Variants in EGFL6 observed in about 807,000 individuals in gnomAD.
The protein encoded by EGFL6 is EGF like domain multiple 6, also known as epidermal growth factor-like protein 6.
A neutral mutation model predicts 43.1 loss-of-function variants in EGFL6; 42 were observed. The ratio of observed to expected loss-of-function variants is 0.98; its 90% CI spans 0.76 to 1.26. The LOEUF is 1.26. Among genes scored for constraint, EGFL6 ranks in the 50% most tolerant of loss-of-function variants. EGFL6 has a pLI of 0.00. For missense variants in EGFL6, 429 were observed against 427.8 expected (o/e 1.00, Z -0.02); for synonymous variants, 164 against 163.2 (o/e 1.01, Z -0.04).
intron 1 of EGFL6, among the ~76,000 whole-genome samples, chrX:13,589,047 T>C (rs369057997): frequency 2.7e-5 from 3 of 112,120 alleles, no homozygotes; most frequent in Non-Finnish European, 5.6e-5. Flanking sequence ...TCCACTCCAT[T>C]GGACTGGAGT....
chrX:13,627,990 C>G (rs2045790810), intron 11 of EGFL6, among the ~76,000 whole-genome samples: 1 of 111,490 alleles, frequency 9.0e-6, no homozygotes, highest in Non-Finnish European at 1.9e-5. Context: ...GTCAGTCTGC[C>G]CATGTGATCA....
chrX:13,570,090 G>A (rs181727768), intron 1 of EGFL6, among the ~76,000 whole-genome samples, 155 bp downstream of exon 1: 26 of 112,574 alleles, frequency 2.3e-4, no homozygotes, highest in Non-Finnish European at 4.7e-4. Flanking sequence ...ATACCAGGCC[G>A]GGAGCGCCCA....
intron 6 of EGFL6, 25 bp from the exon 7 acceptor site, chrX:13,608,299 C>T (rs1450137621): frequency 3.3e-6 from 4 of 1,208,183 alleles, no homozygotes; most frequent in African/African-American, 1.7e-5. Flanking sequence ...ACCACAGAGT[C>T]GTTCACTGGA....
intron 6 of EGFL6, among the ~76,000 whole-genome samples, 159 bp from the exon 7 acceptor site, chrX:13,608,165 G>A (rs1335941220): frequency 9.0e-6 from 1 of 111,575 alleles, no homozygotes; most frequent in Non-Finnish European, 1.9e-5. Flanking sequence ...CAGGGCTGCT[G>A]GCCAATGAGC....
At chrX:13,594,262 G>T (rs2045584018) in intron 2 of EGFL6, among the ~76,000 whole-genome samples, 1 of 111,427 alleles carries the variant, frequency 9.0e-6, no homozygotes, top group African/African-American at 3.3e-5. Flanking sequence ...AATATTTATT[G>T]TCTACTTTGT....
chrX:13,619,310 C>G, intron 9 of EGFL6, 67 bp downstream of exon 9: 4 of 947,028 alleles, frequency 4.2e-6, no homozygotes, highest in South Asian at 4.0e-5. Flanking sequence ...TTTCTTCATA[C>G]AGTGAAATGA....
intron 1 of EGFL6, among the ~76,000 whole-genome samples, chrX:13,578,714 G>T (rs2045488704): frequency 9.1e-6 from 1 of 109,795 alleles, no homozygotes; most frequent in Non-Finnish European, 1.9e-5. Flanking sequence ...TCACTCATAG[G>T]TGGGAATTGA....
chrX:13,611,615 A>T (rs1429335991), intron 7 of EGFL6, among the ~76,000 whole-genome samples: 1 of 112,616 alleles, frequency 8.9e-6, no homozygotes, highest in Non-Finnish European at 1.9e-5. Context: ...AGTTGTTTGC[A>T]GCCTGTGTTT....
At chrX:13,603,648 T>C (rs2045646113) in intron 5 of EGFL6, among the ~76,000 whole-genome samples, 1 of 112,547 alleles carries the variant, frequency 8.9e-6, no homozygotes, top group Non-Finnish European at 1.9e-5. Flanking sequence ...TTATTTTGTA[T>C]TGCCTTAATG....
At chrX:13,576,728 A>G (rs1003331383) in intron 1 of EGFL6, among the ~76,000 whole-genome samples, 7 of 112,125 alleles carry the variant, frequency 6.2e-5, no homozygotes, top group Admixed American at 5.7e-4. Context: ...TGTGTAAATT[A>G]CAGATCACAT....
At chrX:13,585,542 T>C in intron 1 of EGFL6, among the ~76,000 whole-genome samples, 1 of 110,986 alleles carries the variant, frequency 9.0e-6, no homozygotes, top group Non-Finnish European at 1.9e-5. Context: ...TACATATTAA[T>C]GCCCTATTGA....
intron 6 of EGFL6, among the ~76,000 whole-genome samples, chrX:13,606,851 G>A (rs1268287011): frequency 8.9e-6 from 1 of 111,944 alleles, no homozygotes; most frequent in Non-Finnish European, 1.9e-5. Flanking sequence ...CTAAAAATCA[G>A]AACAATAAAG....
chrX:13,614,937 G>A (rs1011951513), intron 7 of EGFL6, among the ~76,000 whole-genome samples: 5 of 110,847 alleles, frequency 4.5e-5, no homozygotes, highest in Non-Finnish European at 7.6e-5. Flanking sequence ...TAGTAGAGAC[G>A]GTGTTTCACG....
At chrX:13,585,793 C>A (rs1461460315) in intron 1 of EGFL6, among the ~76,000 whole-genome samples, 1 of 111,433 alleles carries the variant, frequency 9.0e-6, no homozygotes, top group African/African-American at 3.3e-5. Context: ...CTTTTGAAAT[C>A]CAACTCAAAT....
At chrX:13,632,832 C>A (rs1219406866) in intron 11 of EGFL6, among the ~76,000 whole-genome samples, 153 bp from the exon 12 acceptor site, 1 of 111,683 alleles carries the variant, frequency 9.0e-6, no homozygotes, top group Non-Finnish European at 1.9e-5. Context: ...AGCGCAGACA[C>A]CTGGCATCTA....
intron 4 of EGFL6, among the ~76,000 whole-genome samples, chrX:13,602,643 T>C (rs752306042): frequency 8.9e-6 from 1 of 111,835 alleles, no homozygotes; most frequent in East Asian, 2.8e-4. Context: ...GCCTGTCTCT[T>C]TTTATCATGC....
Position 13,608,311 on chromosome X carries a change from T to C in EGFL6, c.656-13T>C, listed in dbSNP as rs1310984708. The C allele has an allele frequency of 5.2e-5, 63 of 1,203,313 alleles. No homozygotes were observed. Among genetic ancestry groups the C allele is most frequent in the Non-Finnish European group, 7.1e-5 (63 of 891,176 alleles). On this transcript the variant is annotated splice_polypyrimidine_tract_variant and intron_variant, in intron 6 of 11. Coordinates refer to ENST00000361306, the MANE Select transcript of EGFL6 (RefSeq NM_015507.4). Reference sequence around the variant, plus strand: ...TGTACCACAGAGTCGTTCACTGGAATGTTCTTTTTTAGATATAAATGAATG... The same window carrying C: ...TGTACCACAGAGTCGTTCACTGGAACGTTCTTTTTTAGATATAAATGAATG...
At chrX:13,610,974 A>G (rs2045686091) in intron 7 of EGFL6, among the ~76,000 whole-genome samples, 1 of 110,716 alleles carries the variant, frequency 9.0e-6, no homozygotes, top group Non-Finnish European at 1.9e-5. Flanking sequence ...ACGGGGTGGG[A>G]CAGTTCTGAG....
Position 13,593,124 on chromosome X carries a change from G to A in EGFL6, c.188-1712G>A, listed in dbSNP as rs763959534. 9.1e-5 allele frequency among the ~76,000 whole-genome samples: 10 copies of A among 109,508 alleles called. No individual in the cohort carries two copies. In the East Asian group the frequency reaches 1.7e-3, roughly 19 times the overall value. On this transcript the variant is annotated intron_variant, in intron 2 of 11. Coordinates refer to ENST00000361306, the MANE Select transcript of EGFL6 (RefSeq NM_015507.4). ...GAGATGTGGTTTTACTATGTTGGCC[G>A]GGCTGGTCTCAAACTCCTGACCTCA...
Sources: gnomAD v4.1 joint callset for allele counts (sites outside exome capture counted in the v4.1 genomes callset) on GRCh38, gnomAD v4.1.1 for gene constraint, MANE v1.5 for transcripts, NCBI Gene and HGNC (gene_info 2026-07-23, HGNC 2026-07-21) for gene names.